BANK1: variants seen among roughly 807,000 people sequenced by gnomAD.
The protein encoded by BANK1 is B cell scaffold protein with ankyrin repeats 1.
Under a neutral mutation model 94.5 loss-of-function variants are expected in BANK1, and 95 were observed. That is an observed-to-expected ratio of 1.00 (90% CI 0.85 to 1.19). The LOEUF (loss-of-function observed/expected upper bound fraction) is 1.19. BANK1 is among the 50% of genes most tolerant of loss of function. The pLI, the probability that BANK1 is intolerant of heterozygous loss-of-function variation, is 0.00. For missense variants in BANK1, 987 were observed against 932.2 expected (o/e 1.06, Z -0.77); for synonymous variants, 334 against 308.4 (o/e 1.08, Z -0.87).
At chr4:102,054,532 C>G (rs947814595) in intron 11 of BANK1, among the ~76,000 whole-genome samples, 3 of 152,176 alleles carry the variant, frequency 2.0e-5, no homozygotes, top group South Asian at 2.1e-4. Context: ...TAAAAAGATA[C>G]AGACTGAAAT....
In BANK1 at chr4:102,069,928, C is replaced by T. The variant is rs144945959; in HGVS notation, c.2213-1347C>T. Among the ~76,000 whole-genome samples the T allele has an allele frequency of 9.6e-3, 1,459 of 152,218 alleles. 8 individuals are homozygous for T. The highest frequency in any genetic ancestry group is 0.015 in the Non-Finnish European group (1,022 of 68,016). On this transcript the variant is annotated intron_variant, in intron 13 of 16. Transcript: ENST00000322953. Reference sequence around the variant, plus strand: ...AATACTACATGCTGTAGTATTCCATCTATCTGGAATTCTAGATAAAACTAA... The same window carrying T: ...AATACTACATGCTGTAGTATTCCATTTATCTGGAATTCTAGATAAAACTAA...
At chr4:101,871,769 T>G (rs147396908) in intron 5 of BANK1, among the ~76,000 whole-genome samples, 1 of 152,276 alleles carries the variant, frequency 6.6e-6, no homozygotes, top group East Asian at 1.9e-4. Context: ...CAAAAAAGAT[T>G]AATAAAGGTA....
chr4:101,946,269 A>G (rs1401737139), intron 7 of BANK1, among the ~76,000 whole-genome samples: 1 of 152,034 alleles, frequency 6.6e-6, no homozygotes, highest in Admixed American at 6.6e-5. Flanking sequence ...GATTACAGGA[A>G]TAGTGACCAA....
intron 1 of BANK1, among the ~76,000 whole-genome samples, chr4:101,820,895 C>T (rs1726117454): frequency 6.6e-6 from 1 of 152,038 alleles, no homozygotes; most frequent in Non-Finnish European, 1.5e-5. Context: ...TAGGTTGATA[C>T]CATGTCTTTG....
At chr4:101,939,424 A>G (rs991654667) in intron 7 of BANK1, among the ~76,000 whole-genome samples, 1 of 151,740 alleles carries the variant, frequency 6.6e-6, no homozygotes, top group African/African-American at 2.4e-5. Context: ...ATGTTCAACA[A>G]AGGTTGGCAG....
intron 1 of BANK1, among the ~76,000 whole-genome samples, chr4:101,803,192 G>A (rs541521805): frequency 6.6e-6 from 1 of 152,266 alleles, no homozygotes; most frequent in East Asian, 1.9e-4. Context: ...TTGAGAGAAT[G>A]ATTGTTTCAG....
intron 10 of BANK1, among the ~76,000 whole-genome samples, chr4:102,040,783 G>A (rs1727677737): frequency 6.6e-6 from 1 of 152,044 alleles, no homozygotes; most frequent in Admixed American, 6.6e-5. Flanking sequence ...GACCTGGAGT[G>A]TCTTGGGAAA....
At chr4:101,837,580 G>A (rs1369923757) in intron 2 of BANK1, among the ~76,000 whole-genome samples, 1 of 152,050 alleles carries the variant, frequency 6.6e-6, no homozygotes, top group Non-Finnish European at 1.5e-5. Context: ...TTCCCTCAAT[G>A]TATGGTACAT....
chr4:101,944,217 G>C (rs1723855335), intron 7 of BANK1, among the ~76,000 whole-genome samples: 1 of 151,828 alleles, frequency 6.6e-6, no homozygotes, highest in African/African-American at 2.4e-5. Context: ...GCTATGTGAG[G>C]AGCATAAAAC....
chr4:102,009,405 C>A (rs6532983), intron 7 of BANK1, among the ~76,000 whole-genome samples: 1 of 152,168 alleles, frequency 6.6e-6, no homozygotes, highest in East Asian at 1.9e-4. Context: ...TGCCCAGATG[C>A]CCTACCTCTG....
intron 7 of BANK1, among the ~76,000 whole-genome samples, chr4:101,962,145 C>T (rs1724591382): frequency 6.6e-6 from 1 of 152,150 alleles, no homozygotes; most frequent in Non-Finnish European, 1.5e-5. Context: ...ATTGTTCTCT[C>T]ACAAATTATC....
intron 7 of BANK1, among the ~76,000 whole-genome samples, chr4:101,957,481 G>A (rs1298115097): frequency 6.6e-6 from 1 of 152,150 alleles, no homozygotes; most frequent in Admixed American, 6.5e-5. Context: ...TCTCGATTGA[G>A]TTCTCGTCTA....
intron 11 of BANK1, among the ~76,000 whole-genome samples, chr4:102,057,864 T>A (rs1343832393): frequency 1.3e-5 from 2 of 152,162 alleles, no homozygotes; most frequent in Non-Finnish European, 1.5e-5. Flanking sequence ...TATAGAAAGT[T>A]AGAGATCATA....
intron 3 of BANK1, 31 bp downstream of exon 3, chr4:101,855,220 C>T (rs370160331): frequency 3.8e-6 from 6 of 1,595,128 alleles, no homozygotes; most frequent in Non-Finnish European, 5.1e-6. Flanking sequence ...ATTTAAGTGA[C>T]CCCATTGTGT....
rs569055394 is a variant in BANK1, at chr4:101,791,095, G to T, written c.70+145G>T. On this transcript the variant is annotated intron_variant, in intron 1 of 16. Coordinates refer to ENST00000322953, the MANE Select transcript of BANK1 (RefSeq NM_017935.5). ...CAGGGCTTCTCCTTTTTATCCTGCC[G>T]CCAGGCAGCCCAGAGGGTTCTTCTG... 3.2e-5 allele frequency: 22 copies of T among 688,384 alleles called. No homozygotes were observed. The East Asian group carries it at 6.2e-4, about 19-fold the overall frequency. The allele number at this position is 688,384 out of a possible 1,614,324, so 42.6% of individuals were successfully genotyped here.
At chr4:101,858,236 T>C (rs907577979) in intron 3 of BANK1, among the ~76,000 whole-genome samples, 23 of 152,182 alleles carry the variant, frequency 1.5e-4, no homozygotes, top group African/African-American at 5.3e-4. Flanking sequence ...CTTGCAGAGA[T>C]TTTTGATTGT....
Position 101,869,538 on chromosome 4 carries a change from G to T in BANK1, c.764-967G>T, listed in dbSNP as rs12331848. Among the ~76,000 whole-genome samples the T allele has an allele frequency of 6.3e-3, 960 of 151,934 alleles. 10 individuals are homozygous for T. The highest frequency in any genetic ancestry group is 0.021 in the African/African-American group (887 of 41,512). On this transcript the variant is annotated intron_variant, in intron 4 of 16. Coordinates refer to ENST00000322953, the MANE Select transcript of BANK1 (RefSeq NM_017935.5). ...CCTAGTTAAGCTTAAGATTGCTTTC[G>T]TTGCATTTAAGTTTCCCTCAGCAAT...
intron 7 of BANK1, among the ~76,000 whole-genome samples, chr4:101,986,937 C>T (rs1246108489): frequency 1.3e-5 from 1 of 77,658 alleles, no homozygotes; most frequent in Non-Finnish European, 2.2e-5. Context: ...ATATAGTAGG[C>T]TTGCCAGTAA....
intron 7 of BANK1, among the ~76,000 whole-genome samples, chr4:101,934,643 T>C (rs1306004626): frequency 2.0e-5 from 3 of 151,596 alleles, no homozygotes; most frequent in East Asian, 2.0e-4. Flanking sequence ...CTTATGACCA[T>C]AGCTGGAACA....
Sources: gnomAD v4.1 joint callset for allele counts (sites outside exome capture counted in the v4.1 genomes callset) on GRCh38, gnomAD v4.1.1 for gene constraint, MANE v1.5 for transcripts, NCBI Gene and HGNC (gene_info 2026-07-23, HGNC 2026-07-21) for gene names.